NCOR1: variants seen among roughly 807,000 people sequenced by gnomAD.
NCOR1 encodes the protein protein phosphatase 1, regulatory subunit 109.
Under a neutral mutation model 288.1 loss-of-function variants are expected in NCOR1, and 63 were observed. The observed-to-expected ratio is 0.22, with a 90% CI of 0.18 to 0.27. The LOEUF is 0.27. Among genes scored for constraint, NCOR1 ranks in the 10% least tolerant of loss-of-function variants. The pLI, the probability that NCOR1 is intolerant of heterozygous loss-of-function variation, is 1.00. For synonymous variants in NCOR1, 1,007 were observed against 1,065.9 expected (o/e 0.94, Z 1.08); for missense variants, 2,397 against 3,019.2 (o/e 0.79, Z 4.83).
chr17:16,151,969 C>T lies in NCOR1; in HGVS notation c.819G>A (p.Lys273=), dbSNP rs765806503. 1.3e-6 allele frequency: 2 copies of T among 1,599,350 alleles called. No individual in the cohort carries two copies. The highest frequency in any genetic ancestry group is 2.3e-5 in the South Asian group (2 of 87,826). The change falls in exon 8 of 46, where the codon AAG becomes AAA. Residue 273 remains lysine (K), a synonymous_variant. Coordinates refer to ENST00000268712, the MANE Select transcript of NCOR1 (RefSeq NM_006311.4). ...ACGTCTTGATGTTCTCATGGTACAC[C>T]TTGGTATCTGATGGCTGGTTATACA... ...LPLYNQPSDT[K]VYHENIKTNQ...
Position 16,070,343 on chromosome 17 carries a change from A to C in NCOR1, c.4335T>G (p.Arg1445=), listed in dbSNP as rs768585924. 2.5e-6 allele frequency: 4 copies of C among 1,614,146 alleles called. No homozygotes were observed. In the Admixed American group the frequency reaches 6.7e-5, roughly 27 times the overall value. The change falls in exon 31 of 46, where the codon CGT becomes CGG. Residue 1445 remains arginine, a synonymous_variant. Transcript: ENST00000268712. ...YEDVKAGETV[R]SRHTSVVSSG... Reference sequence around the variant, plus strand: ...AGCTTACCACTGACGTGTGCCGGGAACGCACGGTCTCGCCTGCTTTCACAT... The same window carrying C: ...AGCTTACCACTGACGTGTGCCGGGACCGCACGGTCTCGCCTGCTTTCACAT...
At chr17:16,171,034 CTAA>C (rs1050543588) in intron 4 of NCOR1, among the ~76,000 whole-genome samples, 4 of 151,892 alleles carry the variant, frequency 2.6e-5, no homozygotes, top group African/African-American at 9.7e-5. Context: ...GCAACTATAG[CTAA>C]TAATATGTAT....
intron 19 of NCOR1, among the ~76,000 whole-genome samples, chr17:16,106,512 T>G (rs1036896187): frequency 1.3e-5 from 2 of 152,086 alleles, no homozygotes; most frequent in Non-Finnish European, 2.9e-5. Flanking sequence ...TTTGGTCTGA[T>G]TTAATTCTTC....
chr17:16,074,638 CA>C (rs1275379589), intron 27 of NCOR1, among the ~76,000 whole-genome samples: 1 of 152,154 alleles, frequency 6.6e-6, no homozygotes, highest in East Asian at 1.9e-4. Flanking sequence ...GAAGAGAAAG[CA>C]TAGCTCATGA....
chr17:16,098,276 T>A (rs1255767398), intron 21 of NCOR1, 91 bp downstream of exon 21: 14 of 1,304,460 alleles, frequency 1.1e-5, no homozygotes, highest in African/African-American at 3.0e-5. Flanking sequence ...ACTATTTTTT[T>A]AATCAAGAAC....
intron 1 of NCOR1, among the ~76,000 whole-genome samples, chr17:16,212,108 T>C (rs754818779): frequency 1.3e-4 from 19 of 151,686 alleles, no homozygotes; most frequent in Non-Finnish European, 2.5e-4. Context: ...CTACTAAAAA[T>C]ACAAAAATTA....
chr17:16,162,788 G>T (rs1282633160), intron 5 of NCOR1, among the ~76,000 whole-genome samples: 1 of 152,102 alleles, frequency 6.6e-6, no homozygotes, highest in Admixed American at 6.5e-5. Flanking sequence ...TCAGTAGAAG[G>T]GTGTTCCCTT....
chr17:16,079,786 G>A (rs142993416), intron 26 of NCOR1, among the ~76,000 whole-genome samples, 178 bp downstream of exon 26: 1 of 152,300 alleles, frequency 6.6e-6, no homozygotes, highest in Non-Finnish European at 1.5e-5. Context: ...AATATAGCTT[G>A]TAGTCAAAAT....
At chr17:16,108,527 C>T (rs1041874900) in intron 19 of NCOR1, among the ~76,000 whole-genome samples, 3 of 152,102 alleles carry the variant, frequency 2.0e-5, no homozygotes, top group African/African-American at 7.2e-5. Flanking sequence ...GACACAGACA[C>T]ACAGGTATTT....
chr17:16,172,691 A>T (rs1471530992), intron 3 of NCOR1, among the ~76,000 whole-genome samples: 2 of 152,332 alleles, frequency 1.3e-5, no homozygotes, highest in Non-Finnish European at 2.9e-5. Flanking sequence ...TGGCCCCAAA[A>T]ACATGTATTC....
intron 16 of NCOR1, among the ~76,000 whole-genome samples, chr17:16,120,036 C>G (rs896946435): frequency 6.6e-6 from 1 of 152,154 alleles, no homozygotes; most frequent in African/African-American, 2.4e-5. Context: ...CTGATATGAG[C>G]TCCTGCCATA....
Position 16,113,825 on chromosome 17 carries a change from G to A in NCOR1, c.2055+4063C>T, listed in dbSNP as rs1358207341. ...GGAGAATTGCTTGAACCTGGGAGGC[G>A]GAGGTTGCAGTAAGCCAAGATCATG... is the stretch of plus-strand genomic sequence containing the variant. On this transcript the variant is annotated intron_variant, in intron 18 of 45. Transcript: ENST00000268712. 4.6e-5 allele frequency among the ~76,000 whole-genome samples: 7 copies of A among 151,904 alleles called. No homozygotes were observed. In the East Asian group the frequency reaches 1.2e-3, roughly 25 times the overall value.
At position 16,068,012 on chromosome 17, in the gene NCOR1, G is replaced by T. The variant is rs369446328; in HGVS notation, c.4623C>A (p.Val1541=). ...GGGGATCAAACGGACTGTGGCTCAC[G>T]ACAGGGTCCACCCCAGGCACTGGAG... ...AKSPVPGVDP[V]VSHSPFDPHH... is the part of the protein sequence containing the mutation. The change falls in exon 32 of 46, where the codon GTC becomes GTA. Residue 1541 remains valine, a synonymous_variant. Coordinates refer to ENST00000268712, the MANE Select transcript of NCOR1 (RefSeq NM_006311.4). The T allele has an allele frequency of 2.5e-6, 4 of 1,614,070 alleles. No individual in the cohort carries two copies. The highest frequency in any genetic ancestry group is 3.4e-6 in the Non-Finnish European group (4 of 1,180,038).
chr17:16,040,132 GT>G, intron 43 of NCOR1: 1 of 517,780 alleles, frequency 1.9e-6, no homozygotes, highest in Non-Finnish European at 3.7e-6. Context: ...AAGGAAATTT[GT>G]TTCCCAAGTG....
chr17:16,055,405 T>C (rs1338094890), intron 40 of NCOR1, among the ~76,000 whole-genome samples: 1 of 152,222 alleles, frequency 6.6e-6, no homozygotes, highest in Non-Finnish European at 1.5e-5. Flanking sequence ...GCCATTATCC[T>C]TAGCAAACTA....
chr17:16,206,799 C>T (rs998499900), intron 1 of NCOR1, among the ~76,000 whole-genome samples: 7 of 152,060 alleles, frequency 4.6e-5, no homozygotes, highest in Non-Finnish European at 1.0e-4. Flanking sequence ...AAGAATAGTA[C>T]ATTATGATCC....
rs1555813691 is a variant in NCOR1, at chr17:16,199,212, A to ACACACAC, written c.-70-4574_-70-4573insGTGTGTG. Among the ~76,000 whole-genome samples, 235 of 109,680 alleles carry ACACACAC rather than the reference A, an allele frequency of 2.1e-3. 1 individual carries two copies. The highest frequency in any genetic ancestry group is 6.8e-3 in the African/African-American group (187 of 27,610). The allele number at this position is 109,680 out of a possible 152,430, so 72.0% of individuals were successfully genotyped here. ...TCCGCCCAATACAGAAGGAAAAAAA[A>ACACACAC]AAAAACACACACACACACACACACA... On this transcript the variant is annotated intron_variant, in intron 1 of 45. Transcript: ENST00000268712.
chr17:16,166,669 G>A (rs183760483), intron 4 of NCOR1, among the ~76,000 whole-genome samples: 2 of 150,738 alleles, frequency 1.3e-5, no homozygotes, highest in East Asian at 3.9e-4. Flanking sequence ...GACAGAGCAA[G>A]ACTCCATCTC....
intron 19 of NCOR1, among the ~76,000 whole-genome samples, chr17:16,105,311 G>A (rs1391459444): frequency 6.6e-6 from 1 of 152,106 alleles, no homozygotes; most frequent in Admixed American, 6.6e-5. Context: ...CAGATACTTG[G>A]GGGGATGAGG....
Sources: gnomAD v4.1 joint callset for allele counts (sites outside exome capture counted in the v4.1 genomes callset) on GRCh38, gnomAD v4.1.1 for gene constraint, MANE v1.5 for transcripts, NCBI Gene and HGNC (gene_info 2026-07-23, HGNC 2026-07-21) for gene names.